Variants in TBC1D32 observed in about 807,000 individuals in gnomAD.
TBC1D32 encodes TBC1 domain family member 32.
TBC1D32 carries 151 observed loss-of-function variants against 170.3 expected under a neutral mutation model. The observed-to-expected ratio is 0.89, with a 90% CI of 0.78 to 1.01. TBC1D32 has a LOEUF of 1.01. Among genes scored for constraint, TBC1D32 ranks in the 50% least tolerant of loss-of-function variants. The probability of loss-of-function intolerance (pLI) is 0.00; values close to 1 mark genes in which losing one functional copy is unlikely to be tolerated. For synonymous variants in TBC1D32, 498 were observed against 488.0 expected, an observed-to-expected ratio of 1.02 and a Z score of -0.27; for missense variants, 1,464 against 1,457.1, an observed-to-expected ratio of 1.00 and a Z score of -0.08.
At chr6:121,143,048 T>G (rs1782995463) in intron 24 of TBC1D32, among the ~76,000 whole-genome samples, 1 of 152,176 alleles carries the variant, frequency 6.6e-6, no homozygotes, top group Non-Finnish European at 1.5e-5. Context: ...ATATAACTAG[T>G]GCTTATATTA....
At chr6:121,179,669 A>T (rs1181285695) in intron 22 of TBC1D32, among the ~76,000 whole-genome samples, 1 of 152,164 alleles carries the variant, frequency 6.6e-6, no homozygotes, top group East Asian at 1.9e-4. Flanking sequence ...TTATTTATAA[A>T]TTTAAATAAA....
intron 10 of TBC1D32, 52 bp from the exon 11 acceptor site, chr6:121,294,712 A>G: frequency 7.5e-7 from 1 of 1,334,664 alleles, no homozygotes; most frequent in Non-Finnish European, 1.1e-6. Flanking sequence ...CTCAAGTCCA[A>G]GAATTAAAAG....
intron 26 of TBC1D32, among the ~76,000 whole-genome samples, chr6:121,119,250 A>G (rs1047091216): frequency 5.9e-5 from 9 of 152,258 alleles, no homozygotes; most frequent in Admixed American, 5.9e-4. Flanking sequence ...ACCTTACTAT[A>G]TGCTGCAATT....
In TBC1D32 at chr6:121,304,807, CTG is replaced by C; in HGVS notation, c.715_716del (p.Gln239AspfsTer19). ...TATGTAATGGAGAAAGCAAAAATGT[CTG>C]TGCACAGAATTTTAAAATCCGGTCC... is the stretch of plus-strand genomic sequence containing the variant. ...FSDRILKFCA[Q>X]TFLLSPLHMT... On this transcript the variant is annotated frameshift_variant, in exon 6 of 32. Transcript: ENST00000398212. LOFTEE classifies it high-confidence loss of function. 1 of 1,610,146 alleles carries C rather than the reference CTG, an allele frequency of 6.2e-7. No individual in the cohort carries two copies.
Position 121,239,070 on chromosome 6 carries a change from C to T in TBC1D32, c.2364G>A (p.Lys788=). ...TATTATTAGTCAAATAACTTCTTAC[C>T]TTTTGACAGCTTCGGTCAATAGGAT... is the stretch of plus-strand genomic sequence containing the variant. ...PVDPIDRSCQ[K]SFLALVNLLS... is the part of the protein sequence containing the mutation. Residue 788 remains lysine (K), a splice_region_variant and synonymous_variant, in exon 20 of 32, where the codon AAG becomes AAA. Coordinates refer to ENST00000398212, the MANE Select transcript of TBC1D32 (RefSeq NM_152730.6). 6.4e-7 allele frequency: 1 copy of T among 1,556,346 alleles called. No homozygotes were observed.
At chr6:121,320,576 G>C (rs1186790281) in intron 2 of TBC1D32, among the ~76,000 whole-genome samples, 1 of 151,874 alleles carries the variant, frequency 6.6e-6, no homozygotes. Context: ...TTCTGTTTTT[G>C]GTTTTCTCAA....
rs759071569 is a variant in TBC1D32, at chr6:121,304,596, TAGAA to T, written c.795_798del (p.Ser266GlyfsTer12). On this transcript the variant is annotated frameshift_variant, in exon 7 of 32. Coordinates refer to ENST00000398212, the MANE Select transcript of TBC1D32 (RefSeq NM_152730.6). LOFTEE classifies it high-confidence loss of function. ...GAAAGAGTAGGAATATGATTTTCCC[TAGAA>T]AGAAAGTATGACTCCAAATACTTAG... The T allele has an allele frequency of 5.0e-6, 8 of 1,610,722 alleles. No homozygotes were observed. The highest frequency in any genetic ancestry group is 6.8e-6 in the Non-Finnish European group (8 of 1,178,344).
chr6:121,313,105 GGTGTGTGT>G (rs71018125), intron 3 of TBC1D32, among the ~76,000 whole-genome samples: 12,831 of 110,816 alleles, frequency 0.12, 965 homozygotes, highest in Non-Finnish European at 0.15. Context: ...AAGCTAAGGT[GGTGTGTGT>G]GTGTGTGTGT....
intron 21 of TBC1D32, among the ~76,000 whole-genome samples, chr6:121,207,201 A>C (rs1792390432): frequency 6.6e-6 from 1 of 152,180 alleles, no homozygotes; most frequent in African/African-American, 2.4e-5. Context: ...CTGAGGTGAG[A>C]GAGGTTGCCA....
At chr6:121,087,248 A>G (rs905844190) in intron 31 of TBC1D32, among the ~76,000 whole-genome samples, 1 of 152,228 alleles carries the variant, frequency 6.6e-6, no homozygotes, top group Admixed American at 6.5e-5. Context: ...AAGAGGAAAA[A>G]TAAGTTTTTC....
At chr6:121,304,913 A>G in intron 5 of TBC1D32, 80 bp from the exon 6 acceptor site, 1 of 929,306 alleles carries the variant, frequency 1.1e-6, no homozygotes, top group Non-Finnish European at 1.7e-6. Context: ...ACACAGTAAA[A>G]ACTCAGAAAA....
At chr6:121,279,936 C>A (rs1802754795) in intron 14 of TBC1D32, among the ~76,000 whole-genome samples, 1 of 151,876 alleles carries the variant, frequency 6.6e-6, no homozygotes, top group Admixed American at 6.6e-5. Flanking sequence ...TTTACCTGTA[C>A]CTGCATGGAT....
chr6:121,174,564 A>G (rs1267307209), intron 22 of TBC1D32, among the ~76,000 whole-genome samples: 2 of 152,218 alleles, frequency 1.3e-5, no homozygotes, highest in Non-Finnish European at 2.9e-5. Flanking sequence ...ATTGTTCCAG[A>G]CATAGCTGCA....
chr6:121,299,639 C>A, intron 9 of TBC1D32, 134 bp from the exon 10 acceptor site: 1 of 855,692 alleles, frequency 1.2e-6, no homozygotes, highest in Non-Finnish European at 1.7e-6. Context: ...CAATGACAGA[C>A]AGGTGTTTAT....
chr6:121,318,994 A>G (rs1320601958), intron 2 of TBC1D32, among the ~76,000 whole-genome samples: 2 of 150,364 alleles, frequency 1.3e-5, no homozygotes, highest in Admixed American at 6.6e-5. Flanking sequence ...GAGATTTTAT[A>G]TAAAAAGTAT....
At chr6:121,315,388 T>C (rs932977444) in intron 3 of TBC1D32, among the ~76,000 whole-genome samples, 3 of 152,210 alleles carry the variant, frequency 2.0e-5, no homozygotes, top group Non-Finnish European at 4.4e-5. Flanking sequence ...TTAATCACAA[T>C]ACCAAATATT....
chr6:121,201,483 G>C lies in TBC1D32; in HGVS notation c.2570+3592C>G, dbSNP rs139977999. Among the ~76,000 whole-genome samples the C allele has an allele frequency of 6.1e-4, 92 of 151,410 alleles. 4 individuals carry two copies. Among genetic ancestry groups the C allele is most frequent in the African/African-American group, 2.2e-3 (88 of 40,786 alleles). ...TCATCTATCATAGCAGAGTTGATCA[G>C]TACTGTCCAAAAGTGAAAAATCACA... On this transcript the variant is annotated intron_variant, in intron 22 of 31. Transcript: ENST00000398212.
intron 20 of TBC1D32, among the ~76,000 whole-genome samples, chr6:121,226,520 G>T (rs1406366430): frequency 6.6e-6 from 1 of 152,042 alleles, no homozygotes; most frequent in African/African-American, 2.4e-5. Flanking sequence ...AAGAAAAATG[G>T]TTTTGGAGGG....
At chr6:121,143,264 G>A (rs1332113678) in intron 24 of TBC1D32, among the ~76,000 whole-genome samples, 1 of 152,010 alleles carries the variant, frequency 6.6e-6, no homozygotes, top group Non-Finnish European at 1.5e-5. Flanking sequence ...ATACACATAT[G>A]TATACATACA....
Sources: allele counts gnomAD v4.1 joint callset (sites outside exome capture counted in the v4.1 genomes callset), GRCh38; gene constraint gnomAD v4.1.1; transcripts MANE v1.5; gene names NCBI Gene and HGNC (gene_info 2026-07-23, HGNC 2026-07-21).